MYO19: variants seen among roughly 807,000 people sequenced by gnomAD.
MYO19 encodes the protein unconventional myosin-XIX.
A neutral mutation model predicts 129.2 loss-of-function variants in MYO19; 132 were observed. The ratio of observed to expected loss-of-function variants is 1.02; its 90% CI spans 0.89 to 1.18. The LOEUF (loss-of-function observed/expected upper bound fraction) is 1.18. Among genes scored for constraint, MYO19 ranks in the 50% most tolerant of loss-of-function variants. The pLI, the probability that MYO19 is intolerant of heterozygous loss-of-function variation, is 0.00. For missense variants in MYO19, 1,210 were observed against 1,216.7 expected (o/e 0.99, Z 0.08); for synonymous variants, 531 against 477.2 (o/e 1.11, Z -1.47).
chr17:36,512,488 G>A (rs148246573), intron 11 of MYO19, among the ~76,000 whole-genome samples: 1 of 152,096 alleles, frequency 6.6e-6, no homozygotes, highest in East Asian at 1.9e-4. Flanking sequence ...GCCTCCATGT[G>A]CTACTGGTCT....
chr17:36,532,425 A>G, intron 3 of MYO19, 102 bp downstream of exon 3: 1 of 1,397,382 alleles, frequency 7.2e-7, no homozygotes, highest in East Asian at 2.5e-5. Flanking sequence ...TTGAGGAGAG[A>G]AAAGAGACCT....
At chr17:36,530,025 G>A (rs1468586645) in intron 3 of MYO19, among the ~76,000 whole-genome samples, 1 of 152,158 alleles carries the variant, frequency 6.6e-6, no homozygotes, top group African/African-American at 2.4e-5. Flanking sequence ...CTCTAGCCTG[G>A]CCAACAGAGC....
rs113036400 is a variant in MYO19 at position 36,498,533 on chromosome 17, T to C, written c.2490A>G (p.Lys830=). ...GTTTTTCTTCCACACCATCCAGCTC[T>C]TTAGCAGCAAGGCAGGCCATTCTGA... ...WRIRMACLAA[K]ELDGVEEKHF... The change falls in exon 25 of 26, where the codon AAA becomes AAG. Residue 830 remains lysine, a synonymous_variant. Transcript: ENST00000614623. 4,126 of 1,612,910 alleles carry C rather than the reference T, an allele frequency of 2.6e-3. 91 individuals carry two copies. The African/African-American group carries it at 0.046, about 18-fold the overall frequency.
chr17:36,509,286 C>T (rs1380143620), intron 13 of MYO19, 151 bp from the exon 14 acceptor site: 8 of 670,612 alleles, frequency 1.2e-5, no homozygotes, highest in Non-Finnish European at 2.1e-5. Context: ...CTCTTGCTTC[C>T]GGCCTATCAC....
intron 23 of MYO19, chr17:36,499,661 T>TTCC (rs1791455919): frequency 7.5e-6 from 1 of 132,864 alleles, no homozygotes; most frequent in East Asian, 2.0e-4. Flanking sequence ...TTTCTTTTTG[T>TTCC]TTCTTTTTTT....
intron 6 of MYO19, among the ~76,000 whole-genome samples, chr17:36,522,028 T>TAAAAAAAAAAAAAAAAAAA (rs370448301): frequency 8.7e-6 from 1 of 115,292 alleles, no homozygotes; most frequent in Non-Finnish European, 1.8e-5. Context: ...AGACTGTCTT[T>TAAAAAAAAAAAAAAAAAAA]AAAAAAAAAA....
Position 36,543,119 on chromosome 17 carries a change from TACTC to T in MYO19, n.310+3_310+6del, listed in dbSNP as rs949021386. 8 of 152,328 alleles carry T rather than the reference TACTC, an allele frequency of 5.3e-5. No homozygotes were observed. In the South Asian group the frequency reaches 8.3e-4, roughly 16 times the overall value. 9.4% of individuals were successfully genotyped at this position (152,328 alleles called of 1,614,324 possible). A position where few individuals can be genotyped will look rare whatever the true frequency, so the allele number is the denominator to read the frequency against. On this transcript the variant is annotated splice_donor_5th_base_variant and intron_variant and non_coding_transcript_variant, in intron 1 of 2. Coordinates refer to the MYO19 transcript ENST00000610496. Reference sequence around the variant, plus strand: ...TACATACGTATTAGATTCAAGCTAATACTCACTCTTCTACTCTGCTAACATGGCC... The same window carrying T: ...TACATACGTATTAGATTCAAGCTAATACTCTTCTACTCTGCTAACATGGCC...
intron 13 of MYO19, chr17:36,509,350 C>T (rs569125729): frequency 1.7e-5 from 10 of 597,300 alleles, no homozygotes; most frequent in Admixed American, 2.9e-5. Flanking sequence ...CAGGTACACA[C>T]AAACCTGGCA....
chr17:36,512,189 A>C (rs2072379297), intron 11 of MYO19, among the ~76,000 whole-genome samples: 1 of 125,230 alleles, frequency 8.0e-6, no homozygotes, highest in South Asian at 2.7e-4. Context: ...CATCTCTACT[A>C]AAAATAAACA....
At chr17:36,513,267 G>A in intron 11 of MYO19, 162 bp downstream of exon 11, 2 of 1,485,798 alleles carry the variant, frequency 1.3e-6, no homozygotes, top group South Asian at 1.4e-5. Flanking sequence ...CTGGTCTCCA[G>A]ACTCAGCAGA....
At chr17:36,512,569 C>G in intron 11 of MYO19, 1 of 1,216,934 alleles carries the variant, frequency 8.2e-7, no homozygotes, top group Non-Finnish European at 1.1e-6. Flanking sequence ...GGGTCATGCC[C>G]ACCCCCAAAG....
intron 2 of MYO19, chr17:36,533,464 C>G (rs906167099): frequency 6.6e-6 from 1 of 152,154 alleles, no homozygotes; most frequent in African/African-American, 2.4e-5. Flanking sequence ...TTGGAATTTT[C>G]TAGGCCTTGG....
chr17:36,544,123 G>C (rs1408706358), upstream of MYO19, among the ~76,000 whole-genome samples: 1 of 152,240 alleles, frequency 6.6e-6, no homozygotes, highest in East Asian at 1.9e-4. Flanking sequence ...CGGCCAGAGG[G>C]AAAGGCCGTT....
rs1313948143 is a variant in MYO19, at chr17:36,532,670, T to A, written c.-132A>T. 2 of 1,085,164 alleles carry A rather than the reference T, an allele frequency of 1.8e-6. No homozygotes were observed. Among genetic ancestry groups the A allele is most frequent in the Non-Finnish European group, 1.4e-6 (1 of 726,812 alleles). The allele number at this position is 1,085,164 out of a possible 1,614,324, so 67.2% of individuals were successfully genotyped here. A position where few individuals can be genotyped will look rare whatever the true frequency, so the allele number is the denominator to read the frequency against. On this transcript the variant is annotated 5_prime_UTR_variant, in exon 3 of 26. An upstream open reading frame in the 5' UTR loses its in-frame stop. Transcript: ENST00000614623. ...CAGTTCTGGAGGAATCTCAGACAAG[T>A]CACTCCAGCGCCTGTGGCATGAGAG...
At chr17:36,514,377 G>T (rs79722722) in intron 9 of MYO19, 69 bp downstream of exon 9, 4 of 988,650 alleles carry the variant, frequency 4.0e-6, no homozygotes, top group Non-Finnish European at 6.5e-6. Context: ...TCTGGGGAGT[G>T]GGGGGTTGAA....
chr17:36,509,431 G>A, intron 13 of MYO19: 1 of 483,624 alleles, frequency 2.1e-6, no homozygotes, highest in Non-Finnish European at 3.8e-6. Flanking sequence ...GTCGAGCTCA[G>A]TCACATGGCT....
At chr17:36,507,612 CAG>C in intron 15 of MYO19, 100 bp from the exon 16 acceptor site, 7 of 1,378,142 alleles carry the variant, frequency 5.1e-6, no homozygotes, top group Non-Finnish European at 7.1e-6. Context: ...TATTCCAGAA[CAG>C]CATCAAAGAA....
chr17:36,532,690 TGAGA>T lies in MYO19; in HGVS notation c.-143-13_-143-10del, dbSNP rs1006865428. The T allele has an allele frequency of 1.9e-5, 17 of 906,776 alleles. No homozygotes were observed. In the Middle Eastern group the frequency reaches 1.6e-3, roughly 86 times the overall value. 56.2% of individuals were successfully genotyped at this position (906,776 alleles called of 1,614,324 possible). A position where few individuals can be genotyped will look rare whatever the true frequency, so the allele number is the denominator to read the frequency against. On this transcript the variant is annotated splice_polypyrimidine_tract_variant and intron_variant, in intron 2 of 25. Transcript: ENST00000614623. ...ACAAGTCACTCCAGCGCCTGTGGCATGAGAGAGAAGACAAGGACCACACACAGGT... is the reference window on the plus strand; with the variant it reads ...ACAAGTCACTCCAGCGCCTGTGGCATGAGAAGACAAGGACCACACACAGGT...
intron 17 of MYO19, 115 bp downstream of exon 17, chr17:36,506,848 T>C: frequency 7.7e-7 from 1 of 1,307,062 alleles, no homozygotes; most frequent in Non-Finnish European, 1.0e-6. Flanking sequence ...GATTCTGGAT[T>C]CTGGGAGGAG....
Sources: gnomAD v4.1 joint callset for allele counts (sites outside exome capture counted in the v4.1 genomes callset) on GRCh38, gnomAD v4.1.1 for gene constraint, MANE v1.5 for transcripts, NCBI Gene and HGNC (gene_info 2026-07-23, HGNC 2026-07-21) for gene names.